NOVA1: variants seen among roughly 807,000 people sequenced by gnomAD.
NOVA1 encodes the protein NOVA alternative splicing regulator 1.
In NOVA1, 7 loss-of-function variants were observed where a neutral mutation model predicts 38.0. The ratio of observed to expected loss-of-function variants is 0.18; its 90% CI spans 0.10 to 0.35. NOVA1 has a LOEUF of 0.35. Ranked by LOEUF, NOVA1 falls within the 10% of genes least tolerant of loss-of-function variation. NOVA1 has a pLI of 1.00. For synonymous variants in NOVA1, 270 were observed against 232.5 expected (o/e 1.16, Z -1.47); for missense variants, 460 against 616.0 (o/e 0.75, Z 2.68).
chr14:26,488,073 G>A (rs1032906255), intron 2 of NOVA1, among the ~76,000 whole-genome samples: 2 of 152,032 alleles, frequency 1.3e-5, no homozygotes, highest in African/African-American at 4.8e-5. Flanking sequence ...GAAATCATAG[G>A]AATTGACATC....
intron 2 of NOVA1, among the ~76,000 whole-genome samples, chr14:26,519,873 GA>G (rs1888745277): frequency 6.6e-6 from 1 of 152,044 alleles, no homozygotes; most frequent in Non-Finnish European, 1.5e-5. Context: ...TGTGATCACA[GA>G]AAAAAGTTAT....
At chr14:26,504,316 G>A (rs1416602947) in intron 2 of NOVA1, among the ~76,000 whole-genome samples, 3 of 152,038 alleles carry the variant, frequency 2.0e-5, no homozygotes, top group Admixed American at 6.6e-5. Context: ...TTTCAGCAAT[G>A]GGACCACTTT....
At chr14:26,512,438 T>C (rs1888170621) in intron 2 of NOVA1, among the ~76,000 whole-genome samples, 1 of 152,198 alleles carries the variant, frequency 6.6e-6, no homozygotes, top group African/African-American at 2.4e-5. Flanking sequence ...CCACCTGTTT[T>C]TGTGAATACA....
intron 2 of NOVA1, among the ~76,000 whole-genome samples, chr14:26,558,592 TA>T (rs1891634007): frequency 1.3e-5 from 2 of 152,092 alleles, no homozygotes; most frequent in Admixed American, 1.3e-4. Flanking sequence ...ACTAAAAAAT[TA>T]AAGTGCAAAA....
chr14:26,460,543 A>G (rs151324090), intron 4 of NOVA1, among the ~76,000 whole-genome samples: 16 of 152,172 alleles, frequency 1.1e-4, no homozygotes, highest in African/African-American at 3.8e-4. Context: ...GAGTAATTGA[A>G]TAAGAAATAT....
chr14:26,534,843 C>A (rs910309047), intron 2 of NOVA1, among the ~76,000 whole-genome samples: 1 of 151,978 alleles, frequency 6.6e-6, no homozygotes, highest in Non-Finnish European at 1.5e-5. Context: ...AATGTGATGA[C>A]AAAAGCAAAA....
intron 1 of NOVA1, chr14:26,596,073 A>G (rs956515655): frequency 8.7e-6 from 2 of 229,198 alleles, no homozygotes; most frequent in African/African-American, 4.7e-5. Flanking sequence ...CAAAACAACC[A>G]TTCTCCTACC....
chr14:26,517,637 A>C (rs2138487252), intron 2 of NOVA1, among the ~76,000 whole-genome samples: 1 of 152,324 alleles, frequency 6.6e-6, no homozygotes. Flanking sequence ...ATGTTAAGAT[A>C]CTTTAACAAT....
At chr14:26,523,952 C>T (rs756623533) in intron 2 of NOVA1, among the ~76,000 whole-genome samples, 56 of 151,956 alleles carry the variant, frequency 3.7e-4, no homozygotes, top group South Asian at 6.2e-4. Flanking sequence ...GGGGTTTCAC[C>T]GTGTTAGCCG....
chr14:26,504,378 T>A (rs188005543), intron 2 of NOVA1, among the ~76,000 whole-genome samples: 1 of 152,284 alleles, frequency 6.6e-6, no homozygotes, highest in African/African-American at 2.4e-5. Context: ...CCTCAATTAA[T>A]CAAATTTCCA....
chr14:26,589,448 A>G (rs959747748), intron 2 of NOVA1, among the ~76,000 whole-genome samples: 1 of 151,750 alleles, frequency 6.6e-6, no homozygotes, highest in Non-Finnish European at 1.5e-5. Context: ...TGTGGGAAAC[A>G]TTTCAGTAAA....
In NOVA1 at chr14:26,447,160, T is replaced by G. The variant is rs1594305884; in HGVS notation, c.*799A>C. On this transcript the variant is annotated 3_prime_UTR_variant, in exon 5 of 5. Transcript: ENST00000539517. ...GTACCACAGTTATGTGTCTAAACAG[T>G]GAGGATGTTAATGGAGTAATGACTG... The G allele has an allele frequency of 1.3e-5, 2 of 152,620 alleles. No homozygotes were observed. The highest frequency in any genetic ancestry group is 4.8e-5 in the African/African-American group (2 of 41,442). The allele number at this position is 152,620 out of a possible 1,614,324, so 9.5% of individuals were successfully genotyped here. A position where few individuals can be genotyped will look rare whatever the true frequency, so the allele number is the denominator to read the frequency against.
intron 4 of NOVA1, chr14:26,470,229 T>G: frequency 9.0e-7 from 1 of 1,111,534 alleles, no homozygotes; most frequent in African/African-American, 1.5e-5. Context: ...TTATCTTGGT[T>G]ATATACTTCC....
chr14:26,563,862 T>A (rs1891971473), intron 2 of NOVA1, among the ~76,000 whole-genome samples: 1 of 152,110 alleles, frequency 6.6e-6, no homozygotes, highest in African/African-American at 2.4e-5. Context: ...TTTATTCTGT[T>A]TATATACAAA....
intron 2 of NOVA1, among the ~76,000 whole-genome samples, chr14:26,537,532 G>A (rs1030375978): frequency 8.5e-5 from 13 of 152,140 alleles, no homozygotes; most frequent in Admixed American, 3.9e-4. Context: ...AAGCAAAAAT[G>A]AGAGACAATT....
chr14:26,526,684 A>G (rs951743732), intron 2 of NOVA1, among the ~76,000 whole-genome samples: 2 of 152,176 alleles, frequency 1.3e-5, no homozygotes, highest in Non-Finnish European at 2.9e-5. Context: ...CTGGGTGGTA[A>G]ATTGCATGTT....
At chr14:26,549,644 G>T in intron 2 of NOVA1, 2 of 924,462 alleles carry the variant, frequency 2.2e-6, no homozygotes, top group South Asian at 1.5e-5. Context: ...CTCTTATTGG[G>T]CTTTCCAGTC....
chr14:26,574,276 C>A (rs1247615580), intron 2 of NOVA1, among the ~76,000 whole-genome samples: 4 of 99,424 alleles, frequency 4.0e-5, no homozygotes, highest in Non-Finnish European at 8.3e-5. Flanking sequence ...CACCCCCCCC[C>A]CCCCGCCCCC....
intron 2 of NOVA1, among the ~76,000 whole-genome samples, chr14:26,533,696 C>G (rs541015184): frequency 1.3e-5 from 2 of 152,264 alleles, no homozygotes; most frequent in Non-Finnish European, 2.9e-5. Flanking sequence ...TTTCTTATGT[C>G]TCTACCCTAA....
Sources: gnomAD v4.1 joint callset for allele counts (sites outside exome capture counted in the v4.1 genomes callset) on GRCh38, gnomAD v4.1.1 for gene constraint, MANE v1.5 for transcripts, NCBI Gene and HGNC (gene_info 2026-07-23, HGNC 2026-07-21) for gene names.